CCM2L: variants seen among roughly 807,000 people sequenced by gnomAD.
The protein encoded by CCM2L is cerebral cavernous malformations 2 protein-like.
A neutral mutation model predicts 54.1 loss-of-function variants in CCM2L; 36 were observed. The ratio of observed to expected loss-of-function variants is 0.67; its 90% CI spans 0.51 to 0.88. The LOEUF is 0.88. CCM2L is among the 40% of genes least tolerant of loss of function. CCM2L has a pLI of 0.00. For synonymous variants in CCM2L, 351 were observed against 359.3 expected (o/e 0.98, Z 0.26); for missense variants, 700 against 812.1 (o/e 0.86, Z 1.68).
At chr20:32,014,263 T>TAAA (rs367825984) in intron 1 of CCM2L, among the ~76,000 whole-genome samples, 1 of 105,118 alleles carries the variant, frequency 9.5e-6, no homozygotes, top group African/African-American at 3.8e-5. Context: ...ATATATATAT[T>TAAA]TTTTTTTTTT....
rs988779670 is a variant in CCM2L at position 32,025,923 on chromosome 20, A to C, written c.1133+4A>C. ...ACTTCAGCTGCTGCAGCTCCTTGTGAGTACAGCCCCTGTCAGGGACTCCAC... is the reference window on the plus strand; with the variant it reads ...ACTTCAGCTGCTGCAGCTCCTTGTGCGTACAGCCCCTGTCAGGGACTCCAC... On this transcript the variant is annotated splice_donor_region_variant and intron_variant, in intron 7 of 9. Transcript: ENST00000452892. 2.3e-6 allele frequency: 3 copies of C among 1,304,062 alleles called. No homozygotes were observed. 80.8% of individuals were successfully genotyped at this position (1,304,062 alleles called of 1,614,324 possible). A position where few individuals can be genotyped will look rare whatever the true frequency, so the allele number is the denominator to read the frequency against.
At chr20:32,010,622 C>T (rs2064684966) in intron 1 of CCM2L, 138 bp downstream of exon 1, 6 of 809,294 alleles carry the variant, frequency 7.4e-6, no homozygotes, top group African/African-American at 1.7e-5. Context: ...TAACTTCCTT[C>T]CCACTCTTGG....
At chr20:32,022,575 C>A in intron 5 of CCM2L, 85 bp from the exon 6 acceptor site, 1 of 1,496,816 alleles carries the variant, frequency 6.7e-7, no homozygotes, top group South Asian at 1.2e-5. Flanking sequence ...TCTTTGTGCG[C>A]ATCTTCACAC....
At chr20:32,014,229 TTA>T (rs965346823) in intron 1 of CCM2L, among the ~76,000 whole-genome samples, 9 of 147,562 alleles carry the variant, frequency 6.1e-5, no homozygotes, top group East Asian at 5.8e-4. Context: ...TGTATATGAT[TTA>T]TATATATGTG....
At chr20:32,017,714 C>T (rs1256005352) in intron 2 of CCM2L, 86 bp from the exon 3 acceptor site, 2 of 1,010,456 alleles carry the variant, frequency 2.0e-6, no homozygotes, top group Non-Finnish European at 3.2e-6. Flanking sequence ...TCAATCTATC[C>T]GCACTGCATC....
intron 7 of CCM2L, among the ~76,000 whole-genome samples, chr20:32,026,875 C>CAAA (rs761380291): frequency 1.8e-5 from 2 of 111,552 alleles, no homozygotes; most frequent in Admixed American, 1.0e-4. Context: ...GACTCTATCT[C>CAAA]AAAAAAAAAA....
At chr20:32,019,475 T>TCCCCCCCCC in intron 5 of CCM2L, 66 bp downstream of exon 5, 2 of 1,058,402 alleles carry the variant, frequency 1.9e-6, no homozygotes, top group Non-Finnish European at 2.4e-6. Context: ...GCCCCCACCT[T>TCCCCCCCCC]GCCCCCGCCC....
At chr20:32,016,011 C>G (rs955313647) in intron 2 of CCM2L, among the ~76,000 whole-genome samples, 9 of 152,060 alleles carry the variant, frequency 5.9e-5, no homozygotes, top group Non-Finnish European at 2.9e-5. Flanking sequence ...CACGCACCAC[C>G]ACACGCAGCT....
intron 9 of CCM2L, 46 bp downstream of exon 9, chr20:32,029,884 GGT>G: frequency 6.6e-7 from 1 of 1,514,766 alleles, no homozygotes; most frequent in Non-Finnish European, 8.9e-7. Context: ...GCCCCTGCTT[GGT>G]CCATGCCATC....
chr20:32,018,163 G>A lies in CCM2L; in HGVS notation c.466+1G>A, dbSNP rs951023163. ...CTGCACCTGCTAGTGCTCAAGACCG[G>A]TGCGGCGGGAGGGGGCGGGGGCGGG... On this transcript the variant is annotated splice_donor_variant, in intron 4 of 9. Transcript: ENST00000452892. LOFTEE classifies it high-confidence loss of function. The A allele has an allele frequency of 7.3e-7, 1 of 1,372,124 alleles. No individual in the cohort carries two copies. Among genetic ancestry groups the A allele is most frequent in the Admixed American group, 2.4e-5 (1 of 42,472 alleles). The allele number at this position is 1,372,124 out of a possible 1,614,324, so 85.0% of individuals were successfully genotyped here.
chr20:32,020,371 A>T (rs1433914634), intron 5 of CCM2L, among the ~76,000 whole-genome samples: 1 of 152,132 alleles, frequency 6.6e-6, no homozygotes, highest in Non-Finnish European at 1.5e-5. Flanking sequence ...CTTTTCTCCT[A>T]CCAAGCTGGT....
In CCM2L at chr20:32,017,831, CA is replaced by C; in HGVS notation, c.231del (p.Leu78Ter). The C allele has an allele frequency of 1.2e-6, 2 of 1,614,166 alleles. No individual in the cohort carries two copies. The highest frequency in any genetic ancestry group is 1.7e-6 in the Non-Finnish European group (2 of 1,180,036). On this transcript the variant is annotated frameshift_variant, in exon 3 of 10. Coordinates refer to ENST00000452892, the MANE Select transcript of CCM2L (RefSeq NM_001365692.1). LOFTEE classifies it high-confidence loss of function. ...GGCCACCTTACCTGGGTGACTTCCTCACTGAACCCCTCCAGTCGGGACGAGC... is the reference window on the plus strand; with the variant it reads ...GGCCACCTTACCTGGGTGACTTCCTCCTGAACCCCTCCAGTCGGGACGAGC... Reference protein sequence around the residue: ...FLGHLTWVTSSLNPSSRDELL... With the variant: ...FLGHLTWVTSXLNPSSRDELL...
chr20:32,026,067 C>T, intron 7 of CCM2L, 148 bp downstream of exon 7: 1 of 484,560 alleles, frequency 2.1e-6, no homozygotes, highest in South Asian at 1.8e-5. Context: ...AGCTCCCTGA[C>T]TCTGGAAACC....
intron 8 of CCM2L, 63 bp downstream of exon 8, chr20:32,029,187 T>C: frequency 6.2e-7 from 1 of 1,610,298 alleles, no homozygotes; most frequent in Non-Finnish European, 8.5e-7. Flanking sequence ...GTAAACATTT[T>C]GGGAATGGCA....
Position 32,019,029 on chromosome 20 carries a change from G to A in CCM2L, c.553G>A (p.Glu185Lys), listed in dbSNP as rs1008312405. The A allele has an allele frequency of 3.0e-6, 4 of 1,323,776 alleles. No individual in the cohort carries two copies. The highest frequency in any genetic ancestry group is 4.2e-5 in the Admixed American group (1 of 23,914). 82.0% of individuals were successfully genotyped at this position (1,323,776 alleles called of 1,614,324 possible). A position where few individuals can be genotyped will look rare whatever the true frequency, so the allele number is the denominator to read the frequency against. The change falls in exon 5 of 10, where the codon GAG becomes AAG. Residue 185 changes from glutamate (E) to lysine (K), a missense_variant. Glu to Lys is a moderately conservative substitution (Grantham distance 56, BLOSUM62 1). Transcript: ENST00000452892. ...RDPGPPGGAPEKRRVGTAERR... is the reference protein window; with the variant it reads ...RDPGPPGGAPKKRRVGTAERR... ...CCCCGGCCCGCCAGGCGGGGCGCCC[G>A]AGAAGCGGCGGGTGGGCACCGCGGA...
intron 7 of CCM2L, among the ~76,000 whole-genome samples, chr20:32,026,908 C>T (rs536360937): frequency 6.6e-6 from 1 of 151,454 alleles, no homozygotes. Flanking sequence ...TCAGGCCAGT[C>T]ATGGTGGCTC....
intron 9 of CCM2L, 63 bp downstream of exon 9, chr20:32,029,901 T>G (rs889955543): frequency 1.6e-5 from 23 of 1,461,876 alleles, no homozygotes; most frequent in Admixed American, 2.4e-5. Flanking sequence ...GCCATCCCAG[T>G]CAGGCACCAG....
intron 7 of CCM2L, chr20:32,028,144 G>C (rs1348465807): frequency 6.6e-6 from 1 of 152,126 alleles, no homozygotes; most frequent in African/African-American, 2.4e-5. Context: ...GCAAATGTAA[G>C]AATCCTGAAC....
At position 32,019,110 on chromosome 20, in the gene CCM2L, G is replaced by A; in HGVS notation, c.634G>A (p.Ala212Thr). ...DWRMGWGGGAAEARAGGGGGG... is the reference protein window; with the variant it reads ...DWRMGWGGGATEARAGGGGGG... Reference sequence around the variant, plus strand: ...GCGGATGGGGTGGGGTGGGGGCGCCGCGGAGGCCCGGGCCGGGGGAGGCGG... The same window carrying A: ...GCGGATGGGGTGGGGTGGGGGCGCCACGGAGGCCCGGGCCGGGGGAGGCGG... Residue 212 changes from alanine (A) to threonine (T), a missense_variant, in exon 5 of 10, where the codon GCG (alanine) becomes ACG (threonine). Ala to Thr is a moderately conservative substitution (Grantham distance 58). Transcript: ENST00000452892. 8.5e-7 allele frequency: 1 copy of A among 1,172,394 alleles called. No individual in the cohort carries two copies. The highest frequency in any genetic ancestry group is 1.6e-5 in the African/African-American group (1 of 61,968). 72.6% of individuals were successfully genotyped at this position (1,172,394 alleles called of 1,614,324 possible). A position where few individuals can be genotyped will look rare whatever the true frequency, so the allele number is the denominator to read the frequency against.
Sources: allele counts gnomAD v4.1 joint callset (sites outside exome capture counted in the v4.1 genomes callset), GRCh38; gene constraint gnomAD v4.1.1; transcripts MANE v1.5; gene names NCBI Gene and HGNC (gene_info 2026-07-23, HGNC 2026-07-21).